The following KCNIP1 variants were observed in gnomAD, a reference collection of about 807,000 sequenced individuals.
KCNIP1 encodes potassium voltage-gated channel interacting protein 1, also known as A-type potassium channel modulatory protein KCNIP1.
In KCNIP1, 18 loss-of-function variants were observed where a neutral mutation model predicts 33.0. The ratio of observed to expected loss-of-function variants is 0.55; its 90% CI spans 0.38 to 0.81. The LOEUF (loss-of-function observed/expected upper bound fraction) is 0.81, where lower values mean the gene tolerates loss of function less well. KCNIP1 is among the 30% of genes least tolerant of loss of function. KCNIP1 has a pLI of 0.00. For synonymous variants in KCNIP1, 93 were observed against 98.3 expected (o/e 0.95, Z 0.32); for missense variants, 238 against 271.6 (o/e 0.88, Z 0.87).
chr5:170,468,718 T>TA (rs569052504), intron 1 of KCNIP1, among the ~76,000 whole-genome samples: 80 of 145,806 alleles, frequency 5.5e-4, no homozygotes, highest in East Asian at 1.6e-3. Context: ...TTATCTCTAC[T>TA]AAAAAAAAAA....
chr5:170,450,479 A>T (rs761881000), intron 1 of KCNIP1, among the ~76,000 whole-genome samples: 11 of 152,124 alleles, frequency 7.2e-5, no homozygotes, highest in Non-Finnish European at 1.2e-4. Flanking sequence ...AAATCAGACC[A>T]CAGCATTCCC....
chr5:170,587,618 C>T (rs1263158297), intron 1 of KCNIP1, among the ~76,000 whole-genome samples: 1 of 152,046 alleles, frequency 6.6e-6, no homozygotes, highest in Non-Finnish European at 1.5e-5. Flanking sequence ...GTCTCACGGC[C>T]CCTTCCTCCA....
At chr5:170,586,100 A>C (rs1173681796) in intron 1 of KCNIP1, among the ~76,000 whole-genome samples, 1 of 152,190 alleles carries the variant, frequency 6.6e-6, no homozygotes, top group African/African-American at 2.4e-5. Flanking sequence ...GGGATAATTA[A>C]TACCCACCCC....
chr5:170,371,780 A>T (rs1300357417), intron 1 of KCNIP1, among the ~76,000 whole-genome samples: 3 of 152,242 alleles, frequency 2.0e-5, no homozygotes, highest in African/African-American at 7.2e-5. Flanking sequence ...CCCAAATGAA[A>T]GTGGCTCCAT....
intron 1 of KCNIP1, among the ~76,000 whole-genome samples, chr5:170,677,180 A>G (rs1762176024): frequency 1.3e-5 from 2 of 152,228 alleles, no homozygotes; most frequent in South Asian, 4.1e-4. Context: ...TAATCTCACA[A>G]CTCTATGAAG....
At chr5:170,565,461 G>A (rs533424754) in intron 1 of KCNIP1, among the ~76,000 whole-genome samples, 2 of 152,336 alleles carry the variant, frequency 1.3e-5, no homozygotes, top group Admixed American at 1.3e-4. Context: ...ACACTGAGTA[G>A]AGAGTGTGGC....
intron 1 of KCNIP1, among the ~76,000 whole-genome samples, chr5:170,358,019 G>A (rs1328230608): frequency 1.3e-5 from 2 of 152,188 alleles, no homozygotes; most frequent in African/African-American, 4.8e-5. Context: ...CAGGGGTCTG[G>A]GGAACCTGCG....
intron 1 of KCNIP1, among the ~76,000 whole-genome samples, chr5:170,674,606 G>T (rs1762059727): frequency 6.6e-6 from 1 of 152,192 alleles, no homozygotes; most frequent in African/African-American, 2.4e-5. Context: ...GGAGAATGAA[G>T]AATGGGCCCT....
chr5:170,712,064 C>T (rs956746634), intron 1 of KCNIP1, among the ~76,000 whole-genome samples: 1 of 152,176 alleles, frequency 6.6e-6, no homozygotes, highest in African/African-American at 2.4e-5. Context: ...AATAGACCCA[C>T]AAAGGCCAGC....
intron 1 of KCNIP1, among the ~76,000 whole-genome samples, chr5:170,392,307 T>C (rs1252642411): frequency 6.6e-6 from 1 of 152,142 alleles, no homozygotes; most frequent in East Asian, 1.9e-4. Context: ...CTCTGTGCTC[T>C]CTCTGAATTC....
intron 1 of KCNIP1, among the ~76,000 whole-genome samples, chr5:170,367,401 GAAAGAAAGAAA>G (rs1241973369): frequency 1.7e-5 from 2 of 121,064 alleles, no homozygotes; most frequent in Admixed American, 8.4e-5. Context: ...AAGAAAGAAA[GAAAGAAAGAAA>G]GAAAGAAAGG....
chr5:170,443,335 A>G (rs11134628), intron 1 of KCNIP1, among the ~76,000 whole-genome samples: 119,703 of 151,506 alleles, frequency 0.79, 47,740 homozygotes, highest in African/African-American at 0.88. Context: ...CACAGTTCCA[A>G]TGCATGGGGA....
intron 1 of KCNIP1, among the ~76,000 whole-genome samples, chr5:170,362,043 T>A (rs1468255034): frequency 2.0e-5 from 3 of 152,228 alleles, no homozygotes; most frequent in Admixed American, 6.5e-5. Flanking sequence ...AATTTAAAGA[T>A]TAAACAAAAT....
intron 1 of KCNIP1, among the ~76,000 whole-genome samples, chr5:170,356,057 G>A (rs1763339040): frequency 6.6e-6 from 1 of 152,192 alleles, no homozygotes; most frequent in South Asian, 2.1e-4. Flanking sequence ...GAGGAACATG[G>A]GAGCAGGGCC....
At chr5:170,646,552 T>C (rs1000814322) in intron 1 of KCNIP1, among the ~76,000 whole-genome samples, 1 of 152,124 alleles carries the variant, frequency 6.6e-6, no homozygotes, top group Non-Finnish European at 1.5e-5. Context: ...CCAGTTGTGA[T>C]TAAAACTCTC....
intron 1 of KCNIP1, among the ~76,000 whole-genome samples, chr5:170,394,638 G>T (rs1005411588): frequency 2.0e-5 from 3 of 152,168 alleles, no homozygotes; most frequent in Non-Finnish European, 4.4e-5. Flanking sequence ...TACACGTGCA[G>T]GTTTGTTGTG....
At chr5:170,535,483 G>A (rs1374795773) in intron 1 of KCNIP1, among the ~76,000 whole-genome samples, 1 of 152,242 alleles carries the variant, frequency 6.6e-6, no homozygotes, top group East Asian at 1.9e-4. Flanking sequence ...ATATCTAGGT[G>A]TGCAGTGAGC....
chr5:170,634,532 G>A lies in KCNIP1; in HGVS notation c.62-84226G>A, dbSNP rs567424269. Among the ~76,000 whole-genome samples the A allele has an allele frequency of 2.0e-5, 3 of 152,364 alleles. No homozygotes were observed. The South Asian group carries it at 6.2e-4, about 32-fold the overall frequency. On this transcript the variant is annotated intron_variant, in intron 1 of 7. Coordinates refer to ENST00000328939, the MANE Select transcript of KCNIP1 (RefSeq NM_014592.4). ...GTTTGAGGCTGGCATTCAAAAGAGA[G>A]ATCCTGGCAAGAGATAGAATTTTGG...
At chr5:170,585,369 A>G (rs1334184944) in intron 1 of KCNIP1, among the ~76,000 whole-genome samples, 1 of 152,108 alleles carries the variant, frequency 6.6e-6, no homozygotes, top group East Asian at 1.9e-4. Context: ...CTTGAACCCT[A>G]CAGTGGAAGA....
Sources: allele counts gnomAD v4.1 joint callset (sites outside exome capture counted in the v4.1 genomes callset), GRCh38; gene constraint gnomAD v4.1.1; transcripts MANE v1.5; gene names NCBI Gene and HGNC (gene_info 2026-07-23, HGNC 2026-07-21).